Variants in SEMA3E observed in about 807,000 individuals in gnomAD.
The protein encoded by SEMA3E is semaphorin 3E.
A neutral mutation model predicts 93.6 loss-of-function variants in SEMA3E; 49 were observed. The ratio of observed to expected loss-of-function variants is 0.52; its 90% CI spans 0.42 to 0.66. The LOEUF (loss-of-function observed/expected upper bound fraction) is 0.66. SEMA3E is among the 30% of genes least tolerant of loss of function. The probability of loss-of-function intolerance (pLI) is 0.00; values close to 1 mark genes in which losing one functional copy is unlikely to be tolerated. For synonymous variants in SEMA3E, 363 were observed against 330.7 expected (o/e 1.10, Z -1.06); for missense variants, 906 against 964.8 (o/e 0.94, Z 0.81).
At chr7:83,545,698 TTA>T (rs1791634770) in intron 1 of SEMA3E, among the ~76,000 whole-genome samples, 1 of 150,414 alleles carries the variant, frequency 6.6e-6, no homozygotes, top group Non-Finnish European at 1.5e-5. Flanking sequence ...CAGAAGAAAA[TTA>T]TATGTTAGCA....
chr7:83,458,577 G>GT (rs1789541542), intron 4 of SEMA3E, among the ~76,000 whole-genome samples: 1 of 151,794 alleles, frequency 6.6e-6, no homozygotes, highest in Admixed American at 6.6e-5. Flanking sequence ...CAAATGAAAG[G>GT]TAGTGCCTGG....
intron 1 of SEMA3E, among the ~76,000 whole-genome samples, chr7:83,491,858 C>G (rs1790391426): frequency 6.6e-6 from 1 of 151,862 alleles, no homozygotes; most frequent in Non-Finnish European, 1.5e-5. Flanking sequence ...TCCTGGAAGA[C>G]AATTTTTTTC....
At chr7:83,590,532 C>A (rs1792736942) in intron 1 of SEMA3E, among the ~76,000 whole-genome samples, 1 of 152,102 alleles carries the variant, frequency 6.6e-6, no homozygotes, top group African/African-American at 2.4e-5. Flanking sequence ...GAATATTGAT[C>A]ATTTAAAGCA....
At chr7:83,517,462 C>T (rs1296127190) in intron 1 of SEMA3E, among the ~76,000 whole-genome samples, 2 of 152,106 alleles carry the variant, frequency 1.3e-5, no homozygotes, top group African/African-American at 4.8e-5. Context: ...TTTTGCTACT[C>T]CTCCAACTTT....
At chr7:83,431,148 T>C (rs1435050929) in intron 4 of SEMA3E, among the ~76,000 whole-genome samples, 4 of 150,954 alleles carry the variant, frequency 2.6e-5, no homozygotes, top group Non-Finnish European at 5.9e-5. Context: ...TATAATATAG[T>C]AGGATATTTT....
At chr7:83,540,767 C>T (rs1267210435) in intron 1 of SEMA3E, among the ~76,000 whole-genome samples, 2 of 149,474 alleles carry the variant, frequency 1.3e-5, no homozygotes, top group African/African-American at 2.4e-5. Flanking sequence ...TTTGATTCAA[C>T]TTTCCAGGTA....
chr7:83,392,312 C>T (rs182221895), intron 14 of SEMA3E, among the ~76,000 whole-genome samples: 4 of 152,060 alleles, frequency 2.6e-5, no homozygotes, highest in South Asian at 2.1e-4. Context: ...GGTGGCTTGT[C>T]GTTTCCACAT....
At chr7:83,435,287 TTAA>T (rs1374436870) in intron 4 of SEMA3E, among the ~76,000 whole-genome samples, 1 of 152,134 alleles carries the variant, frequency 6.6e-6, no homozygotes, top group Non-Finnish European at 1.5e-5. Flanking sequence ...TGTTGCTTAC[TTAA>T]TAAAGAAATT....
At chr7:83,544,905 T>C (rs1223418171) in intron 1 of SEMA3E, among the ~76,000 whole-genome samples, 1 of 152,072 alleles carries the variant, frequency 6.6e-6, no homozygotes, top group African/African-American at 2.4e-5. Flanking sequence ...TTGAACGAAA[T>C]ATATTTGCTG....
At chr7:83,515,779 G>T (rs1790914344) in intron 1 of SEMA3E, among the ~76,000 whole-genome samples, 1 of 152,138 alleles carries the variant, frequency 6.6e-6, no homozygotes, top group Non-Finnish European at 1.5e-5. Flanking sequence ...TGTAATCTCA[G>T]CACTTTGGGA....
At chr7:83,389,889 T>C (rs913598986) in intron 14 of SEMA3E, among the ~76,000 whole-genome samples, 4 of 121,962 alleles carry the variant, frequency 3.3e-5, no homozygotes, top group African/African-American at 1.2e-4. Flanking sequence ...TATATACACG[T>C]ATATATTACA....
At chr7:83,554,145 T>C (rs1791832448) in intron 1 of SEMA3E, among the ~76,000 whole-genome samples, 1 of 152,214 alleles carries the variant, frequency 6.6e-6, no homozygotes, top group African/African-American at 2.4e-5. Flanking sequence ...ATGAGTTGTT[T>C]ACAGCATGTG....
intron 1 of SEMA3E, among the ~76,000 whole-genome samples, chr7:83,571,620 C>G (rs1228737835): frequency 6.6e-6 from 1 of 152,162 alleles, no homozygotes; most frequent in Non-Finnish European, 1.5e-5. Flanking sequence ...CAACATCATA[C>G]TGAATGAGCA....
intron 4 of SEMA3E, among the ~76,000 whole-genome samples, chr7:83,443,636 A>G (rs946667423): frequency 6.6e-6 from 1 of 152,170 alleles, no homozygotes; most frequent in African/African-American, 2.4e-5. Context: ...ACAGTCAAAG[A>G]GTAATTAGTC....
At chr7:83,560,626 A>G (rs1792011936) in intron 1 of SEMA3E, among the ~76,000 whole-genome samples, 1 of 152,060 alleles carries the variant, frequency 6.6e-6, no homozygotes, top group Non-Finnish European at 1.5e-5. Context: ...CTTTGAACTG[A>G]TTATATCATC....
intron 1 of SEMA3E, among the ~76,000 whole-genome samples, chr7:83,565,806 T>A (rs1291745349): frequency 6.6e-6 from 1 of 152,124 alleles, no homozygotes; most frequent in African/African-American, 2.4e-5. Context: ...ATGACCTTCT[T>A]TGGAATTCTT....
intron 1 of SEMA3E, among the ~76,000 whole-genome samples, chr7:83,513,932 G>T (rs1281734033): frequency 1.3e-5 from 2 of 152,150 alleles, no homozygotes; most frequent in Non-Finnish European, 2.9e-5. Flanking sequence ...CTACTGGGCT[G>T]CATTCCCAGA....
At chr7:83,424,991 G>A (rs1788740924) in intron 4 of SEMA3E, 2 of 229,210 alleles carry the variant, frequency 8.7e-6, no homozygotes, top group Admixed American at 8.5e-5. Flanking sequence ...CAAGTATAGT[G>A]GATCTATCCC....
chr7:83,446,656 G>A (rs747000587), intron 4 of SEMA3E, among the ~76,000 whole-genome samples: 2 of 152,128 alleles, frequency 1.3e-5, no homozygotes, highest in African/African-American at 4.8e-5. Flanking sequence ...AACTCTCTAC[G>A]TGACCCTTCA....
Sources: allele counts gnomAD v4.1 joint callset (sites outside exome capture counted in the v4.1 genomes callset), GRCh38; gene constraint gnomAD v4.1.1; transcripts MANE v1.5; gene names NCBI Gene and HGNC (gene_info 2026-07-23, HGNC 2026-07-21).